SPATS2L: variants seen among roughly 807,000 people sequenced by gnomAD.
SPATS2L encodes spermatogenesis associated serine rich 2 like.
Under a neutral mutation model 59.6 loss-of-function variants are expected in SPATS2L, and 30 were observed. The ratio of observed to expected loss-of-function variants is 0.50; its 90% confidence interval spans 0.38 to 0.68. The LOEUF is 0.68. Among genes scored for constraint, SPATS2L ranks in the 30% least tolerant of loss-of-function variants. The pLI, the probability that SPATS2L is intolerant of heterozygous loss-of-function variation, is 0.00. For missense variants in SPATS2L, 615 were observed against 700.0 expected (o/e 0.88, Z 1.37); for synonymous variants, 252 against 263.5 (o/e 0.96, Z 0.42).
chr2:200,366,159 GC>G, intron 2 of SPATS2L, among the ~76,000 whole-genome samples: 1 of 152,302 alleles, frequency 6.6e-6, no homozygotes, highest in East Asian at 1.9e-4. Context: ...AGCTGTCCCA[GC>G]ACCATAAATC....
chr2:200,309,573 G>C lies in SPATS2L; in HGVS notation c.-73+2651G>C, dbSNP rs34757311. On this transcript the variant is annotated intron_variant, in intron 1 of 12. Transcript: ENST00000409140. Reference sequence around the variant, plus strand: ...ATTTTACAAGCATGACACAGGACATGAGAGTAGGTGTCTCATATGGACAGA... The same window carrying C: ...ATTTTACAAGCATGACACAGGACATCAGAGTAGGTGTCTCATATGGACAGA... Among the ~76,000 whole-genome samples, 545 of 152,330 alleles carry C rather than the reference G, an allele frequency of 3.6e-3. 5 individuals are homozygous for C. The highest frequency in any genetic ancestry group is 0.013 in the African/African-American group (525 of 41,568).
At chr2:200,333,420 T>C (rs1419406893) in intron 2 of SPATS2L, among the ~76,000 whole-genome samples, 2 of 151,862 alleles carry the variant, frequency 1.3e-5, no homozygotes, top group African/African-American at 4.8e-5. Flanking sequence ...TATGAGTGTT[T>C]GTTACATGTG....
intron 4 of SPATS2L, among the ~76,000 whole-genome samples, chr2:200,413,870 A>C (rs535358712): frequency 6.6e-6 from 1 of 152,216 alleles, no homozygotes; most frequent in Non-Finnish European, 1.5e-5. Context: ...TTCCTGCTTC[A>C]TATACTAAGA....
At chr2:200,471,157 C>G (rs1231911999) in intron 11 of SPATS2L, among the ~76,000 whole-genome samples, 1 of 152,108 alleles carries the variant, frequency 6.6e-6, no homozygotes, top group African/African-American at 2.4e-5. Flanking sequence ...CAGAGCGAGA[C>G]TCCATCTCAA....
At chr2:200,428,793 T>C (rs1443459606) in intron 6 of SPATS2L, among the ~76,000 whole-genome samples, 1 of 152,104 alleles carries the variant, frequency 6.6e-6, no homozygotes, top group African/African-American at 2.4e-5. Flanking sequence ...TCATGACATC[T>C]CCCTCTTTCT....
At chr2:200,403,060 C>T (rs1358758524) in intron 3 of SPATS2L, among the ~76,000 whole-genome samples, 1 of 152,198 alleles carries the variant, frequency 6.6e-6, no homozygotes, top group African/African-American at 2.4e-5. Context: ...CCCGGGGACA[C>T]TTGTCTCAAA....
intron 5 of SPATS2L, among the ~76,000 whole-genome samples, chr2:200,418,339 G>A (rs988979348): frequency 6.6e-5 from 10 of 152,136 alleles, no homozygotes; most frequent in African/African-American, 2.4e-4. Context: ...TTGGGAGGCA[G>A]AGGCAAGAGA....
intron 2 of SPATS2L, among the ~76,000 whole-genome samples, chr2:200,360,391 C>T (rs1343467237): frequency 5.9e-5 from 9 of 152,204 alleles, no homozygotes; most frequent in Admixed American, 4.6e-4. Flanking sequence ...GCCAATACTT[C>T]GCCCCTGCAG....
intron 2 of SPATS2L, among the ~76,000 whole-genome samples, chr2:200,331,644 C>T (rs2105796478): frequency 6.6e-6 from 1 of 152,246 alleles, no homozygotes; most frequent in South Asian, 2.1e-4. Context: ...AGTTAGTCCC[C>T]CTCTCTGTGC....
At chr2:200,358,068 C>T (rs1434423395) in intron 2 of SPATS2L, among the ~76,000 whole-genome samples, 1 of 152,184 alleles carries the variant, frequency 6.6e-6, no homozygotes, top group East Asian at 1.9e-4. Context: ...ACCAACTAGA[C>T]GAACAAACTG....
rs1437407668 is a variant in SPATS2L at position 200,477,625 on chromosome 2, T to C, written c.1282-11T>C. On this transcript the variant is annotated splice_polypyrimidine_tract_variant and intron_variant, in intron 12 of 12. Transcript: ENST00000409140. ...TGGCATCTGATACTTATCTCTTTTC[T>C]TTTTTGGTAGAATGGATCTTCTAAC... 38 of 1,522,718 alleles carry C rather than the reference T, an allele frequency of 2.5e-5. No homozygotes were observed. Among genetic ancestry groups the C allele is most frequent in the Non-Finnish European group, 3.2e-5 (36 of 1,133,196 alleles). The allele number at this position is 1,522,718 out of a possible 1,614,324, so 94.3% of individuals were successfully genotyped here. A position where few individuals can be genotyped will look rare whatever the true frequency, so the allele number is the denominator to read the frequency against.
intron 1 of SPATS2L, among the ~76,000 whole-genome samples, chr2:200,312,186 G>A (rs191382468): frequency 6.6e-6 from 1 of 152,168 alleles, no homozygotes; most frequent in African/African-American, 2.4e-5. Flanking sequence ...TTCCTGGATA[G>A]CATCCAGCTC....
At chr2:200,470,150 C>T in intron 11 of SPATS2L, 134 bp downstream of exon 11, 1 of 651,514 alleles carries the variant, frequency 1.5e-6, no homozygotes, top group South Asian at 2.0e-5. Flanking sequence ...ATGATCTAAG[C>T]TCATGACACA....
At chr2:200,307,565 G>A (rs1267537636) in intron 1 of SPATS2L, among the ~76,000 whole-genome samples, 1 of 152,158 alleles carries the variant, frequency 6.6e-6, no homozygotes, top group Non-Finnish European at 1.5e-5. Context: ...TCGCGCCGCC[G>A]CATTTGGGCG....
At chr2:200,371,303 G>A (rs756548891) in intron 2 of SPATS2L, among the ~76,000 whole-genome samples, 4 of 152,072 alleles carry the variant, frequency 2.6e-5, no homozygotes, top group Non-Finnish European at 5.9e-5. Flanking sequence ...CTATGAACAA[G>A]TCTGTACTAG....
intron 2 of SPATS2L, among the ~76,000 whole-genome samples, chr2:200,379,837 T>A (rs999162866): frequency 2.0e-5 from 3 of 152,146 alleles, no homozygotes; most frequent in Non-Finnish European, 4.4e-5. Flanking sequence ...TCTCTGAGGA[T>A]GGGCATATTT....
intron 1 of SPATS2L, among the ~76,000 whole-genome samples, chr2:200,313,503 G>A (rs1387731952): frequency 6.6e-6 from 1 of 152,076 alleles, no homozygotes; most frequent in South Asian, 2.1e-4. Flanking sequence ...CCTTATTCCA[G>A]TCTGATGCTA....
chr2:200,412,278 AT>A (rs1308220436), intron 3 of SPATS2L, 32 bp from the exon 4 acceptor site: 15 of 1,249,772 alleles, frequency 1.2e-5, no homozygotes, highest in Non-Finnish European at 1.7e-5. Flanking sequence ...AAGTGTTCAC[AT>A]TTCTATTTCT....
intron 10 of SPATS2L, among the ~76,000 whole-genome samples, chr2:200,468,586 G>A (rs893006766): frequency 1.3e-5 from 2 of 152,190 alleles, no homozygotes; most frequent in South Asian, 4.1e-4. Context: ...GGTGCTGAGG[G>A]CGTCAGTGGC....
Sources: allele counts gnomAD v4.1 joint callset (sites outside exome capture counted in the v4.1 genomes callset), GRCh38; gene constraint gnomAD v4.1.1; transcripts MANE v1.5; gene names NCBI Gene and HGNC (gene_info 2026-07-23, HGNC 2026-07-21).